The following COL23A1 variants were observed in gnomAD, a reference collection of about 807,000 sequenced individuals.
COL23A1 encodes collagen alpha-1(XXIII) chain.
A neutral mutation model predicts 99.3 loss-of-function variants in COL23A1; 97 were observed. The observed-to-expected ratio is 0.98, with a 90% CI of 0.83 to 1.16. The LOEUF is 1.16. COL23A1 is among the 50% of genes most tolerant of loss of function. COL23A1 has a pLI of 0.00. For missense variants in COL23A1, 762 were observed against 757.4 expected (o/e 1.01, Z -0.07); for synonymous variants, 320 against 308.2 (o/e 1.04, Z -0.40).
intron 2 of COL23A1, among the ~76,000 whole-genome samples, chr5:178,321,590 C>T (rs896693054): frequency 3.4e-5 from 5 of 147,012 alleles, no homozygotes; most frequent in African/African-American, 2.5e-5. Context: ...CCCAGGTTCA[C>T]GCCATTCTCC....
chr5:178,276,901 A>C (rs1257062523), intron 5 of COL23A1, among the ~76,000 whole-genome samples: 1 of 152,122 alleles, frequency 6.6e-6, no homozygotes, highest in Non-Finnish European at 1.5e-5. Flanking sequence ...AAACTGTAGG[A>C]GCTTCAGCTG....
chr5:178,425,262 A>C (rs1765850557), intron 2 of COL23A1, among the ~76,000 whole-genome samples: 1 of 151,990 alleles, frequency 6.6e-6, no homozygotes, highest in South Asian at 2.1e-4. Context: ...GTCTCTACTA[A>C]AAATACAAAA....
intron 2 of COL23A1, among the ~76,000 whole-genome samples, chr5:178,534,201 C>G (rs924736566): frequency 6.6e-6 from 1 of 152,146 alleles, no homozygotes; most frequent in Admixed American, 6.5e-5. Context: ...GGCTCAGAGG[C>G]CAGTGAGGGT....
chr5:178,505,153 G>C lies in COL23A1; in HGVS notation c.361+55529C>G, dbSNP rs116069834. 8.5e-3 allele frequency among the ~76,000 whole-genome samples: 1,291 copies of C among 152,256 alleles called. 15 individuals are homozygous for C. The highest frequency in any genetic ancestry group is 0.026 in the African/African-American group (1,091 of 41,550). ...ATGCCTGGCTTCTGGTGGTGTGCTC[G>C]AAATCGTGGCGTTCCTTGACTTGTA... On this transcript the variant is annotated intron_variant, in intron 2 of 28. Coordinates refer to ENST00000390654, the MANE Select transcript of COL23A1 (RefSeq NM_173465.4).
intron 2 of COL23A1, among the ~76,000 whole-genome samples, chr5:178,318,349 G>A (rs898375453): frequency 2.6e-5 from 4 of 152,234 alleles, no homozygotes; most frequent in South Asian, 4.1e-4. Context: ...TGTAAGGCAC[G>A]TGGGTGCCAC....
chr5:178,431,570 T>C (rs1159842494), intron 2 of COL23A1, among the ~76,000 whole-genome samples: 2 of 152,152 alleles, frequency 1.3e-5, no homozygotes, highest in South Asian at 2.1e-4. Flanking sequence ...AGAAGAGAAG[T>C]AGGCGATGTG....
intron 2 of COL23A1, among the ~76,000 whole-genome samples, chr5:178,312,197 C>T (rs1303393873): frequency 2.0e-5 from 3 of 152,162 alleles, no homozygotes; most frequent in African/African-American, 4.8e-5. Flanking sequence ...GGAGCTTTCC[C>T]GTGTCCCTAA....
At chr5:178,571,902 T>C (rs1199934458) in intron 1 of COL23A1, among the ~76,000 whole-genome samples, 1 of 151,924 alleles carries the variant, frequency 6.6e-6, no homozygotes, top group East Asian at 1.9e-4. Flanking sequence ...ACCCCGTCTC[T>C]ACTAAAAATA....
intron 5 of COL23A1, among the ~76,000 whole-genome samples, chr5:178,287,661 G>T (rs1174249605): frequency 1.3e-5 from 2 of 152,146 alleles, no homozygotes; most frequent in African/African-American, 4.8e-5. Flanking sequence ...GGCACAAAAT[G>T]AATCTGCCCC....
intron 2 of COL23A1, among the ~76,000 whole-genome samples, chr5:178,397,186 C>T (rs563080302): frequency 4.7e-4 from 71 of 152,330 alleles, no homozygotes; most frequent in African/African-American, 1.7e-3. Flanking sequence ...TCAGGCTGGC[C>T]TGGTCATTAA....
At chr5:178,429,334 C>G (rs1249026521) in intron 2 of COL23A1, among the ~76,000 whole-genome samples, 1 of 152,204 alleles carries the variant, frequency 6.6e-6, no homozygotes, top group African/African-American at 2.4e-5. Context: ...GGCCCCTCCT[C>G]TGCCTTCCTC....
chr5:178,282,348 A>T (rs568017030), intron 5 of COL23A1, among the ~76,000 whole-genome samples: 1 of 152,296 alleles, frequency 6.6e-6, no homozygotes, highest in South Asian at 2.1e-4. Flanking sequence ...CTTTGATACC[A>T]GGGGTGGAAT....
At chr5:178,285,392 A>C (rs1296371594) in intron 5 of COL23A1, among the ~76,000 whole-genome samples, 3 of 152,214 alleles carry the variant, frequency 2.0e-5, no homozygotes, top group African/African-American at 7.2e-5. Flanking sequence ...ACAAAAAAAC[A>C]CAAAAAACAA....
Position 178,366,543 on chromosome 5 carries a change from C to G in COL23A1, c.362-59624G>C, listed in dbSNP as rs1762489937. On this transcript the variant is annotated intron_variant, in intron 2 of 28. Coordinates refer to ENST00000390654, the MANE Select transcript of COL23A1 (RefSeq NM_173465.4). The surrounding 1 kb of genome is among the most constrained non-coding windows in gnomAD (Gnocchi z 4.4). Reference sequence around the variant, plus strand: ...TTTCCAGACCAACTTCCACCCTGCCCCAACAGAGTGCTTTCAGATCACCCG... The same window carrying G: ...TTTCCAGACCAACTTCCACCCTGCCGCAACAGAGTGCTTTCAGATCACCCG... 6.6e-6 allele frequency among the ~76,000 whole-genome samples: 1 copy of G among 152,186 alleles called. No individual in the cohort carries two copies. Among genetic ancestry groups the G allele is most frequent in the Non-Finnish European group, 1.5e-5 (1 of 68,030 alleles).
chr5:178,319,321 T>C (rs2127623543), intron 2 of COL23A1, among the ~76,000 whole-genome samples: 1 of 152,214 alleles, frequency 6.6e-6, no homozygotes, highest in Admixed American at 6.5e-5. Context: ...TCACCCCGAG[T>C]CTTAATCACT....
intron 2 of COL23A1, among the ~76,000 whole-genome samples, chr5:178,524,725 C>T (rs1760212581): frequency 6.6e-6 from 1 of 152,222 alleles, no homozygotes; most frequent in Non-Finnish European, 1.5e-5. Flanking sequence ...CTGCCTGACG[C>T]CTCCTATGCC....
chr5:178,239,086 C>T (rs1250487690), intron 28 of COL23A1, 55 bp downstream of exon 28: 11 of 1,601,268 alleles, frequency 6.9e-6, no homozygotes, highest in Admixed American at 1.7e-5. Context: ...CCTCCCATTC[C>T]CCCACCCTCC....
intron 16 of COL23A1, among the ~76,000 whole-genome samples, chr5:178,254,521 G>A (rs556497803): frequency 2.6e-5 from 4 of 152,282 alleles, no homozygotes; most frequent in African/African-American, 9.6e-5. Context: ...GTTTACCAGC[G>A]ACTGGGCTCG....
chr5:178,478,554 G>A (rs551356764), intron 2 of COL23A1, among the ~76,000 whole-genome samples: 5 of 152,298 alleles, frequency 3.3e-5, no homozygotes, highest in East Asian at 1.9e-4. Context: ...CCCACAGTCC[G>A]GGAAACATCT....
Sources: gnomAD v4.1 joint callset for allele counts (sites outside exome capture counted in the v4.1 genomes callset) on GRCh38, gnomAD v4.1.1 for gene constraint, Gnocchi (gnomAD v3.1) non-coding constraint, MANE v1.5 for transcripts, NCBI Gene and HGNC (gene_info 2026-07-23, HGNC 2026-07-21) for gene names.